The following USP50 variants were observed in gnomAD, a reference collection of about 807,000 sequenced individuals.
USP50 encodes the protein ubiquitin carboxyl-terminal hydrolase 50.
USP50 carries 37 observed loss-of-function variants against 39.2 expected under a neutral mutation model. The observed-to-expected ratio is 0.94, with a 90% CI of 0.73 to 1.24. The LOEUF is 1.24. Ranked by LOEUF, USP50 falls within the 50% of genes most tolerant of loss-of-function variation. USP50 has a pLI of 0.00. For missense variants in USP50, 374 were observed against 398.2 expected (o/e 0.94, Z 0.52); for synonymous variants, 139 against 144.5 (o/e 0.96, Z 0.27).
intron 1 of USP50, chr15:50,494,244 G>T: frequency 6.2e-7 from 1 of 1,611,576 alleles, no homozygotes; most frequent in Non-Finnish European, 8.5e-7. Flanking sequence ...AATTGCTTCT[G>T]TTCCTAATGG....
intron 6 of USP50, among the ~76,000 whole-genome samples, chr15:50,520,004 G>C (rs575121197): frequency 6.6e-6 from 1 of 151,966 alleles, no homozygotes; most frequent in Non-Finnish European, 1.5e-5. Context: ...CACTATTCAC[G>C]ACATCCAAGA....
intron 6 of USP50, among the ~76,000 whole-genome samples, chr15:50,523,982 C>A (rs1041099918): frequency 1.3e-5 from 2 of 152,148 alleles, no homozygotes; most frequent in African/African-American, 2.4e-5. Context: ...TAAACCCATG[C>A]ATTTATGGTC....
intron 5 of USP50, among the ~76,000 whole-genome samples, chr15:50,534,026 C>G (rs760527855): frequency 6.6e-5 from 10 of 151,836 alleles, no homozygotes; most frequent in Non-Finnish European, 1.0e-4. Flanking sequence ...TAAAAGAAAT[C>G]GTTTACAGAG....
chr15:50,513,515 G>A (rs542061073), intron 6 of USP50: 32 of 104,644 alleles, frequency 3.1e-4, no homozygotes, highest in African/African-American at 1.1e-3. Flanking sequence ...GAGCGAAACT[G>A]TCTAAAAAAA....
At chr15:50,520,248 G>GT (rs2141362370) in intron 6 of USP50, among the ~76,000 whole-genome samples, 1 of 151,886 alleles carries the variant, frequency 6.6e-6, no homozygotes, top group African/African-American at 2.4e-5. Flanking sequence ...ATTTGCGGTT[G>GT]TAATGGAGCC....
At position 50,525,670 on chromosome 15, in the gene USP50, GTATATA is replaced by G. The variant is rs1167798184; in HGVS notation, c.936+4121_936+4126del. The stretch of plus-strand genomic sequence containing the variant: ...TATATGTATATGTATATATGTATAT[GTATATA>G]TGTATATTATATATGTATATGTATA... On this transcript the variant is annotated intron_variant, in intron 6 of 6. Transcript: ENST00000532404. Among the ~76,000 whole-genome samples, 382 of 92,550 alleles carry G rather than the reference GTATATA, an allele frequency of 4.1e-3. 8 individuals carry two copies. The highest frequency in any genetic ancestry group is 0.014 in the African/African-American group (362 of 25,064). The allele number at this position is 92,550 out of a possible 152,430, so 60.7% of individuals were successfully genotyped here.
chr15:50,530,541 A>C (rs964108219), intron 5 of USP50, among the ~76,000 whole-genome samples: 11 of 144,300 alleles, frequency 7.6e-5, no homozygotes, highest in Admixed American at 6.9e-4. Flanking sequence ...CTGAGATCGC[A>C]CCACTGCACT....
intron 6 of USP50, among the ~76,000 whole-genome samples, chr15:50,524,824 T>C (rs1006238353): frequency 3.5e-4 from 53 of 152,162 alleles, no homozygotes; most frequent in African/African-American, 1.2e-3. Flanking sequence ...CAGTGAGCTA[T>C]GATTGTGCCA....
At chr15:50,523,448 C>T (rs1033637773) in intron 6 of USP50, among the ~76,000 whole-genome samples, 3 of 152,002 alleles carry the variant, frequency 2.0e-5, no homozygotes, top group Non-Finnish European at 2.9e-5. Context: ...GCTGGGATTA[C>T]AGGTATAAGC....
At chr15:50,495,487 G>T (rs1038734155) in intron 1 of USP50, among the ~76,000 whole-genome samples, 1 of 123,696 alleles carries the variant, frequency 8.1e-6, no homozygotes. Flanking sequence ...AGAGATTGGA[G>T]GGGGGGGTCT....
At chr15:50,525,957 A>T (rs536266658) in intron 6 of USP50, among the ~76,000 whole-genome samples, 9 of 152,216 alleles carry the variant, frequency 5.9e-5, no homozygotes, top group African/African-American at 1.9e-4. Flanking sequence ...GTGGAAAAGA[A>T]TACATGGGAA....
chr15:50,495,483 T>TGG (rs1491273851), intron 1 of USP50, among the ~76,000 whole-genome samples: 4,757 of 93,672 alleles, frequency 0.051, 196 homozygotes, highest in African/African-American at 0.11. Flanking sequence ...TAGTAGAGAT[T>TGG]GGAGGGGGGG....
chr15:50,514,685 C>T (rs1329998377), intron 6 of USP50, among the ~76,000 whole-genome samples: 1 of 152,106 alleles, frequency 6.6e-6, no homozygotes, highest in African/African-American at 2.4e-5. Context: ...CATGCCACCA[C>T]ACCCAGCTAA....
At chr15:50,536,637 T>C (rs1419666082) in intron 5 of USP50, among the ~76,000 whole-genome samples, 1 of 151,694 alleles carries the variant, frequency 6.6e-6, no homozygotes, top group African/African-American at 2.4e-5. Context: ...CAAGACTCCA[T>C]CTCAAAAAAA....
intron 6 of USP50, chr15:50,511,797 G>C (rs2052741638): frequency 6.6e-6 from 1 of 152,230 alleles, no homozygotes; most frequent in Non-Finnish European, 1.5e-5. Flanking sequence ...TGGAGTTTGA[G>C]ACCAGCCTGG....
downstream of USP50, chr15:50,493,038 AC>A: frequency 9.8e-7 from 1 of 1,019,708 alleles, no homozygotes; most frequent in Non-Finnish European, 1.5e-6. Context: ...TTTGTAAAGA[AC>A]AAAAATTTAT....
At chr15:50,499,235 G>A (rs1340691488), downstream of USP50, 6 of 658,920 alleles carry the variant, frequency 9.1e-6, no homozygotes, top group Admixed American at 7.2e-5. Context: ...ATATAATTCC[G>A]GTCAGTGCTG....
chr15:50,543,373 T>C (rs902305615), intron 3 of USP50, among the ~76,000 whole-genome samples: 1 of 152,230 alleles, frequency 6.6e-6, no homozygotes, highest in Non-Finnish European at 1.5e-5. Context: ...AGTATTTGCC[T>C]TAAAATCTGT....
At chr15:50,521,100 G>T (rs2052846407) in intron 6 of USP50, among the ~76,000 whole-genome samples, 1 of 152,136 alleles carries the variant, frequency 6.6e-6, no homozygotes, top group Non-Finnish European at 1.5e-5. Flanking sequence ...GGAGTACAAA[G>T]GCGCCATCTC....
Sources: allele counts gnomAD v4.1 joint callset (sites outside exome capture counted in the v4.1 genomes callset), GRCh38; gene constraint gnomAD v4.1.1; transcripts MANE v1.5; gene names NCBI Gene and HGNC (gene_info 2026-07-23, HGNC 2026-07-21).